Variants in DCAF8L2 observed in about 807,000 individuals in gnomAD.
The protein encoded by DCAF8L2 is DDB1- and CUL4-associated factor 8-like protein 2.
For synonymous variants in DCAF8L2, 200 were observed against 190.9 expected (o/e 1.05, Z -0.39); for missense variants, 430 against 490.7 (o/e 0.88, Z 1.17).
chrX:27,674,744 A>T (rs1301274394), intron 2 of DCAF8L2, among the ~76,000 whole-genome samples: 1 of 111,639 alleles, frequency 9.0e-6, no homozygotes, highest in African/African-American at 3.2e-5. Flanking sequence ...TTTTCAAATT[A>T]CAGGTTTCCA....
chrX:27,492,770 C>T, the DCAF8L2 span, among the ~76,000 whole-genome samples: 8 of 111,968 alleles, frequency 7.1e-5, no homozygotes, highest in Non-Finnish European at 1.1e-4. Context: ...CGTGAGCCAC[C>T]ACGCCCGGTT....
At chrX:27,543,134 C>T in the DCAF8L2 span, among the ~76,000 whole-genome samples, 16 of 112,312 alleles carry the variant, frequency 1.4e-4, no homozygotes, top group South Asian at 5.9e-3. Context: ...ACATTTAAAT[C>T]TTTAATTCAT....
intron 3 of DCAF8L2, among the ~76,000 whole-genome samples, chrX:27,714,851 C>T (rs61652376): frequency 0.052 from 5,812 of 111,615 alleles, 364 homozygotes; most frequent in African/African-American, 0.18. Flanking sequence ...GAGTAAGAAC[C>T]CTGCAGCCAC....
intron 4 of DCAF8L2, among the ~76,000 whole-genome samples, chrX:27,737,690 A>G (rs1921609309): frequency 1.9e-5 from 2 of 103,519 alleles, no homozygotes; most frequent in Admixed American, 2.1e-4. Context: ...TTTAATAGAA[A>G]TTGTTCTAGA....
chrX:27,701,427 C>A (rs1234130544), intron 3 of DCAF8L2, among the ~76,000 whole-genome samples: 1 of 111,334 alleles, frequency 9.0e-6, no homozygotes, highest in Non-Finnish European at 1.9e-5. Context: ...AGAATACATT[C>A]TTCTCAAGCA....
chrX:27,636,289 C>T (rs994507698), intron 2 of DCAF8L2, among the ~76,000 whole-genome samples: 2 of 111,826 alleles, frequency 1.8e-5, no homozygotes, highest in Non-Finnish European at 3.8e-5. Context: ...ACATATTCCT[C>T]TGAGTTCTAA....
At chrX:27,515,403 G>A in the DCAF8L2 span, among the ~76,000 whole-genome samples, 1 of 111,855 alleles carries the variant, frequency 8.9e-6, no homozygotes, top group African/African-American at 3.3e-5. Flanking sequence ...CAATTAGCCA[G>A]GCGTGGTGGT....
chrX:27,494,924 T>A, the DCAF8L2 span, among the ~76,000 whole-genome samples: 1 of 111,368 alleles, frequency 9.0e-6, no homozygotes, highest in Non-Finnish European at 1.9e-5. Context: ...GTTTTAATTT[T>A]GGAATTCTGA....
At chrX:27,711,482 T>C (rs1931532995) in intron 3 of DCAF8L2, among the ~76,000 whole-genome samples, 1 of 108,319 alleles carries the variant, frequency 9.2e-6, no homozygotes, top group Non-Finnish European at 1.9e-5. Context: ...TGTATATATA[T>C]ACATTCCTCT....
intron 1 of DCAF8L2, among the ~76,000 whole-genome samples, chrX:27,592,390 G>C (rs1235209977): frequency 9.4e-6 from 1 of 105,887 alleles, no homozygotes; most frequent in Admixed American, 1.0e-4. Context: ...GTGTGCAGGA[G>C]AGCATTGTTT....
At chrX:27,605,407 T>C (rs985926976) in intron 1 of DCAF8L2, among the ~76,000 whole-genome samples, 1 of 111,472 alleles carries the variant, frequency 9.0e-6, no homozygotes, top group African/African-American at 3.3e-5. Flanking sequence ...TTGAAAATTA[T>C]TTTTCTTAAG....
At chrX:27,674,093 A>G (rs898843766) in intron 2 of DCAF8L2, among the ~76,000 whole-genome samples, 8 of 111,837 alleles carry the variant, frequency 7.2e-5, no homozygotes, top group African/African-American at 2.6e-4. Context: ...TTAGAATAAC[A>G]TAGTAGTTAA....
At chrX:27,674,231 A>T (rs1488028549) in intron 2 of DCAF8L2, among the ~76,000 whole-genome samples, 1 of 111,839 alleles carries the variant, frequency 8.9e-6, no homozygotes, top group Non-Finnish European at 1.9e-5. Flanking sequence ...ACCTGTCATT[A>T]TTAAGAGATT....
chrX:27,615,403 T>A (rs960894754), intron 1 of DCAF8L2, among the ~76,000 whole-genome samples: 70 of 111,781 alleles, frequency 6.3e-4, no homozygotes, highest in African/African-American at 2.1e-3. Context: ...CATGAAATAC[T>A]AAAGAAGAAA....
chrX:27,500,474 C>T, the DCAF8L2 span, among the ~76,000 whole-genome samples: 1 of 111,447 alleles, frequency 9.0e-6, no homozygotes, highest in Admixed American at 9.6e-5. Flanking sequence ...TGTAGCATGT[C>T]ACATAGGGCT....
chrX:27,564,849 T>A, the DCAF8L2 span, among the ~76,000 whole-genome samples: 2 of 109,640 alleles, frequency 1.8e-5, no homozygotes, highest in African/African-American at 6.7e-5. Context: ...AAAGGTGATT[T>A]TAAAAAAAAA....
chrX:27,716,513 A>G (rs1442710538), intron 4 of DCAF8L2, among the ~76,000 whole-genome samples: 3 of 112,124 alleles, frequency 2.7e-5, no homozygotes, highest in Non-Finnish European at 5.6e-5. Flanking sequence ...CCTTTTCTTT[A>G]TGTTTACAAC....
chrX:27,579,399 G>A, the DCAF8L2 span, among the ~76,000 whole-genome samples: 12 of 109,641 alleles, frequency 1.1e-4, no homozygotes, highest in African/African-American at 3.7e-4. Flanking sequence ...ACACATTGGC[G>A]CCTGTTGGGG....
At chrX:27,717,518 G>T (rs1360055267) in intron 4 of DCAF8L2, among the ~76,000 whole-genome samples, 1 of 112,300 alleles carries the variant, frequency 8.9e-6, no homozygotes, top group East Asian at 2.8e-4. Context: ...TTTGTTGGCT[G>T]CATGAATGTC....
Sources: allele counts gnomAD v4.1 joint callset (sites outside exome capture counted in the v4.1 genomes callset), GRCh38; gene constraint gnomAD v4.1.1; transcripts MANE v1.5; gene names NCBI Gene and HGNC (gene_info 2026-07-23, HGNC 2026-07-21).